The following CDH8 variants were observed in gnomAD, a reference collection of about 807,000 sequenced individuals.
The protein encoded by CDH8 is cadherin-8.
A neutral mutation model predicts 68.1 loss-of-function variants in CDH8; 17 were observed. The ratio of observed to expected loss-of-function variants is 0.25; its 90% CI spans 0.17 to 0.37. CDH8 has a LOEUF of 0.37. Ranked by LOEUF, CDH8 falls within the 10% of genes least tolerant of loss-of-function variation. The pLI, the probability that CDH8 is intolerant of heterozygous loss-of-function variation, is 1.00. For synonymous variants in CDH8, 372 were observed against 365.1 expected (o/e 1.02, Z -0.21); for missense variants, 763 against 999.3 (o/e 0.76, Z 3.19).
intron 3 of CDH8, among the ~76,000 whole-genome samples, chr16:61,879,628 G>A (rs1011315797): frequency 2.6e-5 from 4 of 152,050 alleles, no homozygotes; most frequent in South Asian, 2.1e-4. Context: ...CTGACCTTTC[G>A]GCAGGAAGTT....
At chr16:61,916,283 G>A (rs1964237306) in intron 2 of CDH8, among the ~76,000 whole-genome samples, 1 of 152,138 alleles carries the variant, frequency 6.6e-6, no homozygotes, top group African/African-American at 2.4e-5. Flanking sequence ...GGAGGCTGAG[G>A]TGGGCAGATC....
intron 4 of CDH8, among the ~76,000 whole-genome samples, chr16:61,829,479 C>T (rs1283808208): frequency 6.6e-6 from 1 of 151,870 alleles, no homozygotes; most frequent in Non-Finnish European, 1.5e-5. Flanking sequence ...GTCACTCCTA[C>T]ACAGACATCT....
intron 3 of CDH8, among the ~76,000 whole-genome samples, chr16:61,873,122 G>A (rs577712654): frequency 1.2e-4 from 18 of 152,212 alleles, no homozygotes; most frequent in African/African-American, 2.9e-4. Context: ...TCTAGTTAGG[G>A]TATGTCTTGT....
intron 4 of CDH8, among the ~76,000 whole-genome samples, chr16:61,831,791 T>A (rs1479984110): frequency 6.6e-6 from 1 of 151,828 alleles, no homozygotes; most frequent in East Asian, 1.9e-4. Context: ...TCTCCCAGAT[T>A]GTGCTGTTCA....
At chr16:61,753,833 G>T (rs1960237456) in intron 8 of CDH8, among the ~76,000 whole-genome samples, 1 of 152,082 alleles carries the variant, frequency 6.6e-6, no homozygotes, top group South Asian at 2.1e-4. Flanking sequence ...ACTTATTTGA[G>T]TGGAGGTAGA....
chr16:61,775,563 C>T (rs992567326), intron 8 of CDH8, among the ~76,000 whole-genome samples: 1 of 152,072 alleles, frequency 6.6e-6, no homozygotes, highest in Non-Finnish European at 1.5e-5. Flanking sequence ...GAACTATTAT[C>T]AAACTGGATG....
At chr16:61,796,946 A>G (rs1427784563) in intron 7 of CDH8, among the ~76,000 whole-genome samples, 1 of 152,052 alleles carries the variant, frequency 6.6e-6, no homozygotes, top group African/African-American at 2.4e-5. Flanking sequence ...ATATTATTGC[A>G]TTGGGGAAAT....
At chr16:61,665,826 C>T (rs1196074397) in intron 10 of CDH8, among the ~76,000 whole-genome samples, 2 of 127,998 alleles carry the variant, frequency 1.6e-5, no homozygotes, top group Admixed American at 1.7e-4. Context: ...CCTTCCTTCT[C>T]TCCTTCCCTC....
intron 1 of CDH8, among the ~76,000 whole-genome samples, chr16:62,030,368 GTT>G (rs1567575562): frequency 6.6e-6 from 1 of 151,376 alleles, no homozygotes; most frequent in African/African-American, 2.4e-5. Flanking sequence ...AGTATGAATT[GTT>G]TTTTGTTTTT....
At chr16:61,657,931 T>G (rs1187660761) in intron 10 of CDH8, among the ~76,000 whole-genome samples, 1 of 152,096 alleles carries the variant, frequency 6.6e-6, no homozygotes, top group Non-Finnish European at 1.5e-5. Flanking sequence ...CTATAAATAT[T>G]TTTTTACTAA....
chr16:61,990,713 A>G (rs915465153), intron 2 of CDH8, among the ~76,000 whole-genome samples: 8 of 152,066 alleles, frequency 5.3e-5, no homozygotes, highest in African/African-American at 1.9e-4. Flanking sequence ...AGTCTCAGCT[A>G]TTTGGGAAGC....
At chr16:61,905,970 T>C (rs958767103) in intron 2 of CDH8, among the ~76,000 whole-genome samples, 13 of 150,666 alleles carry the variant, frequency 8.6e-5, no homozygotes, top group African/African-American at 3.2e-4. Flanking sequence ...ACAGGGAATA[T>C]TGTGGGTAAA....
In CDH8 at chr16:62,013,123, C is replaced by T. The variant is rs1309843836; in HGVS notation, c.252+8029G>A. Among the ~76,000 whole-genome samples the T allele has an allele frequency of 2.4e-5, 2 of 83,488 alleles. 1 individual carries two copies. 54.8% of individuals were successfully genotyped at this position (83,488 alleles called of 152,430 possible). A position where few individuals can be genotyped will look rare whatever the true frequency, so the allele number is the denominator to read the frequency against. On this transcript the variant is annotated intron_variant, in intron 2 of 11. Coordinates refer to ENST00000577390, the MANE Select transcript of CDH8 (RefSeq NM_001796.5). ...ACAAAAAATTAGCCGGGCGCGGTGG[C>T]GGGCGCCTGTAGTCCCAGCTACTGG...
At chr16:61,880,864 C>CCAGAG (rs1433987809) in intron 3 of CDH8, among the ~76,000 whole-genome samples, 19 of 152,158 alleles carry the variant, frequency 1.2e-4, no homozygotes, top group African/African-American at 4.3e-4. Flanking sequence ...GTCCATCACA[C>CCAGAG]CAGAGACTCT....
Position 61,678,066 on chromosome 16 carries a change from C to G in CDH8, c.1655-22345G>C, listed in dbSNP as rs150668600. On this transcript the variant is annotated intron_variant, in intron 10 of 11. Transcript: ENST00000577390. ...GACGTTCCTTTCTATTGTTAATAACCCTTTCATCCAATTGCTAATCAGAAA... is the reference window on the plus strand; with the variant it reads ...GACGTTCCTTTCTATTGTTAATAACGCTTTCATCCAATTGCTAATCAGAAA... Among the ~76,000 whole-genome samples, 61 of 152,094 alleles carry G rather than the reference C, an allele frequency of 4.0e-4. 1 individual carries two copies. Among genetic ancestry groups the G allele is most frequent in the Admixed American group, 1.1e-3 (17 of 15,258 alleles).
chr16:61,834,285 G>C (rs941293450), intron 4 of CDH8, among the ~76,000 whole-genome samples: 1 of 151,766 alleles, frequency 6.6e-6, no homozygotes, highest in African/African-American at 2.4e-5. Flanking sequence ...GGAGGGTGGG[G>C]GTGAGTGTGG....
chr16:61,681,407 T>A (rs1964010045), intron 10 of CDH8, among the ~76,000 whole-genome samples: 1 of 151,904 alleles, frequency 6.6e-6, no homozygotes, highest in South Asian at 2.1e-4. Flanking sequence ...CTACTCTACA[T>A]GAAATTAGAC....
intron 10 of CDH8, among the ~76,000 whole-genome samples, chr16:61,708,975 C>T (rs959221017): frequency 5.9e-5 from 9 of 152,118 alleles, no homozygotes; most frequent in African/African-American, 2.2e-4. Context: ...GTGAGCAGAA[C>T]AGACAATACA....
chr16:61,672,922 G>C (rs561672435), intron 10 of CDH8, among the ~76,000 whole-genome samples: 1 of 152,032 alleles, frequency 6.6e-6, no homozygotes, highest in Non-Finnish European at 1.5e-5. Flanking sequence ...AGGTAATACA[G>C]ATGTTGATTT....
Sources: gnomAD v4.1 joint callset for allele counts (sites outside exome capture counted in the v4.1 genomes callset) on GRCh38, gnomAD v4.1.1 for gene constraint, MANE v1.5 for transcripts, NCBI Gene and HGNC (gene_info 2026-07-23, HGNC 2026-07-21) for gene names.